Variants in MYO7B observed in about 807,000 individuals in gnomAD.
MYO7B encodes the protein myosin VIIB.
In MYO7B, 212 loss-of-function variants were observed where a neutral mutation model predicts 259.7. The ratio of observed to expected loss-of-function variants is 0.82; its 90% CI spans 0.73 to 0.91. MYO7B has a LOEUF of 0.91. Among genes scored for constraint, MYO7B ranks in the 40% least tolerant of loss-of-function variants. The pLI is 0.00. For synonymous variants in MYO7B, 1,197 were observed against 1,166.4 expected, an observed-to-expected ratio of 1.03 and a Z score of -0.54; for missense variants, 2,732 against 2,813.5, an observed-to-expected ratio of 0.97 and a Z score of 0.66.
rs534724298 is a variant in MYO7B, at chr2:127,609,181, C to T, written c.2814+303C>T. Among the ~76,000 whole-genome samples, 1 of 152,184 alleles carries T rather than the reference C, an allele frequency of 6.6e-6. No homozygotes were observed. The highest frequency in any genetic ancestry group is 1.5e-5 in the Non-Finnish European group (1 of 68,014). On this transcript the variant is annotated intron_variant, in intron 22 of 47. Coordinates refer to ENST00000409816, the MANE Select transcript of MYO7B (RefSeq NM_001393586.1). This position sits in a 1 kb window ranked among gnomAD's most constrained non-coding sequence, Gnocchi z 6.9. ...ACCCCACCCGGGCACCCCCAGAGCACCTTTGAGGCCGCTGCTCTGCAGTGT... is the reference window on the plus strand; with the variant it reads ...ACCCCACCCGGGCACCCCCAGAGCATCTTTGAGGCCGCTGCTCTGCAGTGT...
At chr2:127,557,799 G>C (rs545522401) in intron 1 of MYO7B, among the ~76,000 whole-genome samples, 2 of 152,192 alleles carry the variant, frequency 1.3e-5, no homozygotes, top group Non-Finnish European at 2.9e-5. Flanking sequence ...ACATGTAGGA[G>C]AGTGAAACTG....
intron 47 of MYO7B, 175 bp from the exon 48 acceptor site, chr2:127,637,141 G>C (rs751354931): frequency 4.3e-6 from 4 of 921,466 alleles, no homozygotes; most frequent in Non-Finnish European, 6.9e-6. Context: ...AGGAGGGAGG[G>C]AGACCCAGCT....
At chr2:127,545,459 G>T (rs1480658480) in intron 1 of MYO7B, among the ~76,000 whole-genome samples, 1 of 152,212 alleles carries the variant, frequency 6.6e-6, no homozygotes, top group African/African-American at 2.4e-5. Flanking sequence ...CCCTTCAGTT[G>T]GGGGACATTG....
intron 3 of MYO7B, among the ~76,000 whole-genome samples, chr2:127,564,851 G>A (rs897482635): frequency 6.6e-6 from 1 of 152,242 alleles, no homozygotes; most frequent in Non-Finnish European, 1.5e-5. Context: ...GTGTGACACT[G>A]TAGTTTTTTA....
chr2:127,615,659 C>T lies in MYO7B; in HGVS notation c.3398+3056C>T, dbSNP rs1013591991. Among the ~76,000 whole-genome samples the T allele has an allele frequency of 2.0e-5, 3 of 151,942 alleles. No homozygotes were observed. The highest frequency in any genetic ancestry group is 6.6e-5 in the Admixed American group (1 of 15,248). On this transcript the variant is annotated intron_variant, in intron 26 of 47. Transcript: ENST00000409816. This position sits in a 1 kb window ranked among gnomAD's most constrained non-coding sequence, Gnocchi z 4.4. Reference sequence around the variant, plus strand: ...CTCAGCATTCCTTCTGGGCGGTAGACGCGGTTTGTCAGTTGGCCAACATTC... The same window carrying T: ...CTCAGCATTCCTTCTGGGCGGTAGATGCGGTTTGTCAGTTGGCCAACATTC...
intron 15 of MYO7B, among the ~76,000 whole-genome samples, chr2:127,589,440 G>A (rs1001475645): frequency 4.0e-5 from 6 of 151,244 alleles, no homozygotes; most frequent in Non-Finnish European, 8.8e-5. Context: ...ATGGGAATCT[G>A]GGGGGTCCAG....
chr2:127,547,915 G>T (rs1477944208), intron 1 of MYO7B, among the ~76,000 whole-genome samples: 2 of 152,140 alleles, frequency 1.3e-5, no homozygotes, highest in Non-Finnish European at 2.9e-5. Context: ...TTCCTTAAAT[G>T]CTTGGTAGAA....
Position 127,609,007 on chromosome 2 carries a change from G to C in MYO7B, c.2814+129G>C. 1.6e-6 allele frequency: 2 copies of C among 1,250,234 alleles called. No individual in the cohort carries two copies. Among genetic ancestry groups the C allele is most frequent in the East Asian group, 5.1e-5 (2 of 39,036 alleles). The allele number at this position is 1,250,234 out of a possible 1,614,324, so 77.4% of individuals were successfully genotyped here. ...GTGGCCAAGTGTGTGCTGCAGCCCT[G>C]CTGGTCCCACACGGAAGAGGGGAGC... is the stretch of plus-strand genomic sequence containing the variant. On this transcript the variant is annotated intron_variant, in intron 22 of 47. Transcript: ENST00000409816. This position sits in a 1 kb window ranked among gnomAD's most constrained non-coding sequence, Gnocchi z 6.9.
chr2:127,582,944 T>C (rs1294073993), intron 12 of MYO7B, among the ~76,000 whole-genome samples: 1 of 152,144 alleles, frequency 6.6e-6, no homozygotes, highest in Non-Finnish European at 1.5e-5. Flanking sequence ...GGTCAGAAAA[T>C]AGCTGCAAGC....
Position 127,546,656 on chromosome 2 carries a change from C to T in MYO7B, c.-24+10825C>T, listed in dbSNP as rs1342230196. Among the ~76,000 whole-genome samples the T allele has an allele frequency of 6.6e-6, 1 of 152,180 alleles. No individual in the cohort carries two copies. The highest frequency in any genetic ancestry group is 1.5e-5 in the Non-Finnish European group (1 of 68,026). On this transcript the variant is annotated intron_variant, in intron 1 of 47. Coordinates refer to ENST00000409816, the MANE Select transcript of MYO7B (RefSeq NM_001393586.1). This position sits in a 1 kb window ranked among gnomAD's most constrained non-coding sequence, Gnocchi z 4.2. ...CACACTGACCTGCCTCAGGGCTTAA[C>T]AAAAGGAACTGGACTAAGAAGTCAT... is the stretch of plus-strand genomic sequence containing the variant.
intron 3 of MYO7B, 141 bp downstream of exon 3, chr2:127,564,407 G>A (rs1268978069): frequency 1.0e-5 from 6 of 581,928 alleles, no homozygotes; most frequent in African/African-American, 7.6e-5. Context: ...ACAGATCACG[G>A]TGGAGTCCTG....
intron 1 of MYO7B, among the ~76,000 whole-genome samples, chr2:127,536,100 C>T (rs1692763162): frequency 6.6e-6 from 1 of 152,124 alleles, no homozygotes; most frequent in South Asian, 2.1e-4. Context: ...AAACTCCCTG[C>T]AGGAGGGGAA....
chr2:127,558,786 C>T (rs1015170774), intron 1 of MYO7B, among the ~76,000 whole-genome samples: 28 of 152,070 alleles, frequency 1.8e-4, no homozygotes, highest in African/African-American at 6.0e-4. Flanking sequence ...TGAAGTAACT[C>T]GGGAATGGAA....
chr2:127,568,278 A>G (rs1321338185), intron 5 of MYO7B, among the ~76,000 whole-genome samples: 1 of 152,214 alleles, frequency 6.6e-6, no homozygotes, highest in African/African-American at 2.4e-5. Context: ...GTGTGGCTCT[A>G]CCTGGAGGTT....
At chr2:127,556,277 G>C (rs1262520708) in intron 1 of MYO7B, among the ~76,000 whole-genome samples, 1 of 152,164 alleles carries the variant, frequency 6.6e-6, no homozygotes, top group Non-Finnish European at 1.5e-5. Context: ...TTAAGTTTAT[G>C]TGAGTCCTTT....
chr2:127,625,478 G>A lies in MYO7B; in HGVS notation c.4158G>A (p.Leu1386=), dbSNP rs1429105861. ...ELLPSCIPHK[L]YRTKPPDRWA... Reference sequence around the variant, plus strand: ...TGCCCAGCTGCATCCCCCACAAGCTGTACAGGACCAAGCCCCCAGACAGGT... The same window carrying A: ...TGCCCAGCTGCATCCCCCACAAGCTATACAGGACCAAGCCCCCAGACAGGT... The change falls in exon 31 of 48, where the codon CTG becomes CTA. Residue 1386 remains leucine (L), a synonymous_variant. Transcript: ENST00000409816. The A allele has an allele frequency of 1.9e-6, 3 of 1,611,996 alleles. No homozygotes were observed. Among genetic ancestry groups the A allele is most frequent in the African/African-American group, 1.3e-5 (1 of 74,912 alleles).
chr2:127,540,782 T>C (rs1441632265), intron 1 of MYO7B, among the ~76,000 whole-genome samples: 2 of 152,218 alleles, frequency 1.3e-5, no homozygotes, highest in Non-Finnish European at 2.9e-5. Flanking sequence ...TCTCATGGCC[T>C]ACCTCTAAAA....
intron 1 of MYO7B, among the ~76,000 whole-genome samples, chr2:127,549,925 G>A (rs992437760): frequency 6.6e-6 from 1 of 152,280 alleles, no homozygotes; most frequent in East Asian, 1.9e-4. Flanking sequence ...GGCAGAGACA[G>A]GATTTCTGTG....
rs1680463697 is a variant in MYO7B at position 127,613,505 on chromosome 2, A to G, written c.3398+902A>G. On this transcript the variant is annotated intron_variant, in intron 26 of 47. Transcript: ENST00000409816. This position sits in a 1 kb window ranked among gnomAD's most constrained non-coding sequence, Gnocchi z 4.3. ...CCTTTATATCCTTGAGCAGATTTAC[A>G]GTAGTTTTTAAATCTTTTCTGCAAA... Among the ~76,000 whole-genome samples the G allele has an allele frequency of 6.6e-6, 1 of 152,206 alleles. No homozygotes were observed. Among genetic ancestry groups the G allele is most frequent in the Non-Finnish European group, 1.5e-5 (1 of 68,032 alleles).
Sources: gnomAD v4.1 joint callset for allele counts (sites outside exome capture counted in the v4.1 genomes callset) on GRCh38, gnomAD v4.1.1 for gene constraint, Gnocchi (gnomAD v3.1) non-coding constraint, MANE v1.5 for transcripts, NCBI Gene and HGNC (gene_info 2026-07-23, HGNC 2026-07-21) for gene names.